The following CERT1 variants were observed in gnomAD, a reference collection of about 807,000 sequenced individuals.
CERT1 encodes the protein ceramide transporter 1, also known as ceramide transfer protein.
CERT1 carries 31 observed loss-of-function variants against 87.9 expected under a neutral mutation model. That is an observed-to-expected ratio of 0.35 (90% CI 0.27 to 0.48). CERT1 has a LOEUF of 0.48. CERT1 is among the 20% of genes least tolerant of loss of function. The pLI, the probability that CERT1 is intolerant of heterozygous loss-of-function variation, is 0.99. For synonymous variants in CERT1, 289 were observed against 250.9 expected (o/e 1.15, Z -1.44); for missense variants, 487 against 758.0 (o/e 0.64, Z 4.20).
intron 1 of CERT1, among the ~76,000 whole-genome samples, chr5:75,510,353 C>A (rs894275327): frequency 1.3e-5 from 2 of 152,134 alleles, no homozygotes; most frequent in African/African-American, 4.8e-5. Context: ...CCTATAATGA[C>A]TGCTTTGCTA....
At chr5:75,375,186 C>CAA (rs1357217478), downstream of CERT1, 3 of 155,480 alleles carry the variant, frequency 1.9e-5, no homozygotes, top group Admixed American at 6.5e-5. Context: ...TTATGACATA[C>CAA]AATACTACTT....
chr5:75,410,469 G>C (rs1043454940), intron 8 of CERT1, among the ~76,000 whole-genome samples: 1 of 152,004 alleles, frequency 6.6e-6, no homozygotes, highest in Admixed American at 6.5e-5. Flanking sequence ...AATTAGCCAG[G>C]CGTGGTGGCG....
chr5:75,443,659 G>A (rs1764412897), intron 3 of CERT1, among the ~76,000 whole-genome samples: 1 of 152,180 alleles, frequency 6.6e-6, no homozygotes, highest in African/African-American at 2.4e-5. Flanking sequence ...TTGGTACAGT[G>A]TTCTGTATAT....
intron 2 of CERT1, among the ~76,000 whole-genome samples, chr5:75,468,099 T>C (rs944415169): frequency 3.3e-5 from 5 of 152,222 alleles, no homozygotes; most frequent in Admixed American, 6.5e-5. Flanking sequence ...GACATTACTT[T>C]TGTAATGAAA....
At chr5:75,390,709 C>T (rs532226702) in intron 11 of CERT1, among the ~76,000 whole-genome samples, 9 of 152,228 alleles carry the variant, frequency 5.9e-5, no homozygotes, top group Admixed American at 3.9e-4. Flanking sequence ...AAATTTTATC[C>T]TTAAGTTTAA....
intron 5 of CERT1, among the ~76,000 whole-genome samples, chr5:75,420,819 G>GCTT (rs796938920): frequency 1.4e-4 from 21 of 151,702 alleles, no homozygotes; most frequent in African/African-American, 4.1e-4. Flanking sequence ...GCTTTTTGTG[G>GCTT]CTTCTTCTTC....
At chr5:75,403,275 T>C (rs927979568) in intron 8 of CERT1, among the ~76,000 whole-genome samples, 2 of 152,218 alleles carry the variant, frequency 1.3e-5, no homozygotes, top group Non-Finnish European at 2.9e-5. Context: ...ACTTACTGTA[T>C]ATTGACCAAT....
At chr5:75,410,980 G>T in intron 8 of CERT1, 31 bp downstream of exon 8, 1 of 1,198,426 alleles carries the variant, frequency 8.3e-7, no homozygotes, top group Non-Finnish European at 1.2e-6. Context: ...TGATCTATGT[G>T]TTTCTCTAAG....
chr5:75,416,807 T>C lies in CERT1; in HGVS notation c.837+69A>G, dbSNP rs1034480244. 68 of 1,360,878 alleles carry C rather than the reference T, an allele frequency of 5.0e-5. 1 individual carries two copies. Among genetic ancestry groups the C allele is most frequent in the Middle Eastern group, 3.7e-4 (2 of 5,382 alleles). 84.3% of individuals were successfully genotyped at this position (1,360,878 alleles called of 1,614,324 possible). On this transcript the variant is annotated intron_variant, in intron 7 of 16. Coordinates refer to ENST00000643780, the MANE Select transcript of CERT1 (RefSeq NM_001379029.1). ...ATTCTTCCCTAAGAAGTTAGCTTGT[T>C]TTAAATATTCAAACAATACGTAAAA...
chr5:75,474,658 CGT>C (rs1561288658), intron 2 of CERT1, among the ~76,000 whole-genome samples: 1 of 151,942 alleles, frequency 6.6e-6, no homozygotes, highest in African/African-American at 2.4e-5. Flanking sequence ...TTTAACAAAT[CGT>C]GTTAGGAAAA....
intron 2 of CERT1, among the ~76,000 whole-genome samples, chr5:75,484,047 C>T (rs1163033380): frequency 1.3e-5 from 2 of 151,666 alleles, no homozygotes; most frequent in Admixed American, 6.6e-5. Flanking sequence ...GACAGTATAA[C>T]ATATAAAGAG....
chr5:75,375,264 C>T (rs1273716922), downstream of CERT1: 2 of 152,324 alleles, frequency 1.3e-5, no homozygotes, highest in Non-Finnish European at 2.9e-5. Flanking sequence ...AACAAACATG[C>T]TCAGACCTCT....
chr5:75,462,972 C>T (rs893956779), intron 2 of CERT1, among the ~76,000 whole-genome samples: 2 of 113,484 alleles, frequency 1.8e-5, no homozygotes, highest in African/African-American at 7.2e-5. Flanking sequence ...AGCCCGGCGA[C>T]AGAGCAAGAC....
chr5:75,439,455 T>C (rs952065048), intron 3 of CERT1, among the ~76,000 whole-genome samples: 69 of 152,002 alleles, frequency 4.5e-4, no homozygotes, highest in African/African-American at 1.7e-3. Flanking sequence ...AGCAAAGAAA[T>C]TGAGAGAGAA....
rs1474929723 is a variant in CERT1, at chr5:75,405,784, CTT to C, written c.931-2728_931-2727del. The stretch of plus-strand genomic sequence containing the variant: ...TATTATTGTTAAAATAAAAATTAAA[CTT>C]TATCACAGGTACATACATATAGGAA... On this transcript the variant is annotated intron_variant, in intron 8 of 16. Coordinates refer to ENST00000643780, the MANE Select transcript of CERT1 (RefSeq NM_001379029.1). 4.0e-5 allele frequency among the ~76,000 whole-genome samples: 6 copies of C among 149,504 alleles called. No individual in the cohort carries two copies. In the Admixed American group the frequency reaches 4.1e-4, roughly 10 times the overall value.
chr5:75,423,634 C>T (rs745474570), intron 5 of CERT1, among the ~76,000 whole-genome samples: 6 of 152,010 alleles, frequency 3.9e-5, no homozygotes, highest in African/African-American at 1.2e-4. Flanking sequence ...CTAGCCAGTT[C>T]GGAAGTTGAG....
chr5:75,441,940 G>A (rs1260216290), intron 3 of CERT1, among the ~76,000 whole-genome samples: 1 of 152,104 alleles, frequency 6.6e-6, no homozygotes, highest in African/African-American at 2.4e-5. Context: ...TAGATCATAT[G>A]TTAATTCCAT....
At chr5:75,386,812 A>C (rs1165009527) in intron 12 of CERT1, among the ~76,000 whole-genome samples, 3 of 151,954 alleles carry the variant, frequency 2.0e-5, no homozygotes, top group African/African-American at 7.3e-5. Flanking sequence ...CAAACTAGAA[A>C]CTCTAGACTT....
chr5:75,428,853 T>C (rs1763742541), intron 3 of CERT1, among the ~76,000 whole-genome samples: 1 of 152,032 alleles, frequency 6.6e-6, no homozygotes, highest in Admixed American at 6.6e-5. Flanking sequence ...CAAAGCACAT[T>C]CCAAAAATCT....
Sources: allele counts gnomAD v4.1 joint callset (sites outside exome capture counted in the v4.1 genomes callset), GRCh38; gene constraint gnomAD v4.1.1; transcripts MANE v1.5; gene names NCBI Gene and HGNC (gene_info 2026-07-23, HGNC 2026-07-21).